The following PTPRJ variants were observed in gnomAD, a reference collection of about 807,000 sequenced individuals.
PTPRJ encodes receptor-type tyrosine-protein phosphatase eta.
In PTPRJ, 129 loss-of-function variants were observed where a neutral mutation model predicts 141.3. That is an observed-to-expected ratio of 0.91 (90% CI 0.79 to 1.06). The LOEUF (loss-of-function observed/expected upper bound fraction) is 1.06. Ranked by LOEUF, PTPRJ falls within the 50% of genes least tolerant of loss-of-function variation. The pLI is 0.00. For synonymous variants in PTPRJ, 610 were observed against 640.5 expected, an observed-to-expected ratio of 0.95 and a Z score of 0.72; for missense variants, 1,601 against 1,679.7, an observed-to-expected ratio of 0.95 and a Z score of 0.82.
At chr11:47,997,016 C>T (rs1251877086) in intron 1 of PTPRJ, among the ~76,000 whole-genome samples, 2 of 152,224 alleles carry the variant, frequency 1.3e-5, no homozygotes, top group African/African-American at 4.8e-5. Context: ...GCACCTATCC[C>T]ACCATGTGGT....
intron 1 of PTPRJ, among the ~76,000 whole-genome samples, chr11:48,010,328 C>T (rs1208086350): frequency 1.3e-5 from 2 of 151,822 alleles, no homozygotes; most frequent in Non-Finnish European, 2.9e-5. Context: ...CAGGCGGGTG[C>T]CACCACGCCC....
At chr11:48,119,637 G>A (rs1305701136) in intron 3 of PTPRJ, among the ~76,000 whole-genome samples, 1 of 152,150 alleles carries the variant, frequency 6.6e-6, no homozygotes, top group Non-Finnish European at 1.5e-5. Flanking sequence ...GACCTCAAGT[G>A]ATCTGATCTG....
chr11:48,160,945 C>T (rs1476358678), intron 22 of PTPRJ, among the ~76,000 whole-genome samples: 1 of 152,008 alleles, frequency 6.6e-6, no homozygotes, highest in Non-Finnish European at 1.5e-5. Flanking sequence ...GTGGGAGGAT[C>T]GCTTGAGCTC....
At position 48,028,103 on chromosome 11, in the gene PTPRJ, A is replaced by C. The variant is rs116838573; in HGVS notation, c.96+47095A>C. Among the ~76,000 whole-genome samples the C allele has an allele frequency of 7.5e-3, 1,138 of 152,322 alleles. 15 individuals are homozygous for C. Among genetic ancestry groups the C allele is most frequent in the African/African-American group, 0.025 (1,059 of 41,568 alleles). Reference sequence around the variant, plus strand: ...AGATAAAGGAAACATCTTAGCTACTACTGAGCCATAAGTGGTCTCACCTTT... The same window carrying C: ...AGATAAAGGAAACATCTTAGCTACTCCTGAGCCATAAGTGGTCTCACCTTT... On this transcript the variant is annotated intron_variant, in intron 1 of 24. Coordinates refer to ENST00000418331, the MANE Select transcript of PTPRJ (RefSeq NM_002843.4).
At chr11:48,120,875 A>T (rs1856686627) in intron 3 of PTPRJ, 128 bp from the exon 4 acceptor site, 1 of 806,936 alleles carries the variant, frequency 1.2e-6, no homozygotes, top group Non-Finnish European at 1.9e-6. Flanking sequence ...AGGGAAGTCT[A>T]GGAGGCAAAG....
chr11:48,092,894 G>C lies in PTPRJ; in HGVS notation c.97-17164G>C, dbSNP rs137873674. ...GTGAATAGTGCCGCAATGAACATGG[G>C]CAAATTGCCGTGTTGAGTTAAGGAA... On this transcript the variant is annotated intron_variant, in intron 1 of 24. Transcript: ENST00000418331. Among the ~76,000 whole-genome samples the C allele has an allele frequency of 3.5e-4, 54 of 152,268 alleles. No individual in the cohort carries two copies. The East Asian group carries it at 8.9e-3, about 25-fold the overall frequency.
At chr11:48,090,507 C>T (rs1855841065) in intron 1 of PTPRJ, among the ~76,000 whole-genome samples, 1 of 152,170 alleles carries the variant, frequency 6.6e-6, no homozygotes, top group Non-Finnish European at 1.5e-5. Context: ...TCTTCAGAGA[C>T]AGATCCGTGC....
intron 8 of PTPRJ, chr11:48,132,712 TAA>T: frequency 2.2e-6 from 2 of 920,552 alleles, no homozygotes; most frequent in Non-Finnish European, 2.6e-6. Context: ...TATATATATA[TAA>T]AAGAAATGGG....
chr11:48,099,274 A>G (rs2134310801), intron 1 of PTPRJ, among the ~76,000 whole-genome samples: 1 of 152,370 alleles, frequency 6.6e-6, no homozygotes, highest in South Asian at 2.1e-4. Flanking sequence ...GTGGCCCAAG[A>G]GCCAAGAATA....
At chr11:48,149,029 G>A (rs4752907) in intron 15 of PTPRJ, among the ~76,000 whole-genome samples, 66,788 of 152,110 alleles carry the variant, frequency 0.44, 17,623 homozygotes, top group Non-Finnish European at 0.57. Flanking sequence ...GCAGGAGTGT[G>A]CAGATGCCTC....
At chr11:48,095,037 T>C (rs1474284423) in intron 1 of PTPRJ, among the ~76,000 whole-genome samples, 1 of 152,146 alleles carries the variant, frequency 6.6e-6, no homozygotes, top group Non-Finnish European at 1.5e-5. Flanking sequence ...CAGTTGTGTC[T>C]TTTAAAAAAA....
intron 1 of PTPRJ, among the ~76,000 whole-genome samples, chr11:48,003,039 T>C (rs1033348495): frequency 2.6e-5 from 4 of 152,248 alleles, no homozygotes; most frequent in African/African-American, 9.6e-5. Flanking sequence ...AAGTGGCTTC[T>C]TATTTAAGAT....
intron 19 of PTPRJ, among the ~76,000 whole-genome samples, chr11:48,154,204 G>C (rs1468056381): frequency 6.6e-6 from 1 of 152,186 alleles, no homozygotes; most frequent in Non-Finnish European, 1.5e-5. Context: ...CTTTGTACTA[G>C]GTCTGTCTGT....
chr11:48,127,742 C>A (rs749392339), intron 6 of PTPRJ, 38 bp from the exon 7 acceptor site: 1 of 1,602,022 alleles, frequency 6.2e-7, no homozygotes, highest in Non-Finnish European at 8.5e-7. Context: ...CTGCCTTGGC[C>A]GTTCTGGTTA....
intron 1 of PTPRJ, among the ~76,000 whole-genome samples, chr11:48,024,997 G>A (rs565356623): frequency 6.6e-6 from 1 of 152,348 alleles, no homozygotes; most frequent in East Asian, 1.9e-4. Flanking sequence ...CCCCTAAGGG[G>A]CCTTCTCATT....
chr11:48,088,061 A>T (rs934728513), intron 1 of PTPRJ, among the ~76,000 whole-genome samples: 2 of 152,062 alleles, frequency 1.3e-5, no homozygotes, highest in African/African-American at 4.8e-5. Flanking sequence ...GAGCTTTGAA[A>T]CCCCTCTAGC....
intron 18 of PTPRJ, among the ~76,000 whole-genome samples, chr11:48,150,883 A>G (rs1366503730): frequency 6.6e-6 from 1 of 152,212 alleles, no homozygotes; most frequent in Non-Finnish European, 1.5e-5. Context: ...CACAGTGCAC[A>G]TGCTGCTTCC....
intron 8 of PTPRJ, among the ~76,000 whole-genome samples, chr11:48,131,031 T>TACATACACAC (rs1555052849): frequency 2.9e-5 from 2 of 69,096 alleles, no homozygotes; most frequent in Non-Finnish European, 2.8e-5. Flanking sequence ...TAATATTTAA[T>TACATACACAC]ACACACACAC....
chr11:48,093,568 G>A (rs928973699), intron 1 of PTPRJ, among the ~76,000 whole-genome samples: 4 of 151,994 alleles, frequency 2.6e-5, no homozygotes, highest in South Asian at 2.1e-4. Context: ...TTTATTGATC[G>A]TGTACAACTA....
Sources: gnomAD v4.1 joint callset for allele counts (sites outside exome capture counted in the v4.1 genomes callset) on GRCh38, gnomAD v4.1.1 for gene constraint, MANE v1.5 for transcripts, NCBI Gene and HGNC (gene_info 2026-07-23, HGNC 2026-07-21) for gene names.